SLC7A14: variants seen among roughly 807,000 people sequenced by gnomAD.
The protein encoded by SLC7A14 is gamma-aminobutyric acid transporter SLC7A14.
In SLC7A14, 37 loss-of-function variants were observed where a neutral mutation model predicts 60.2. The ratio of observed to expected loss-of-function variants is 0.61; its 90% CI spans 0.47 to 0.81. SLC7A14 has a LOEUF of 0.81. Among genes scored for constraint, SLC7A14 ranks in the 30% least tolerant of loss-of-function variants. The pLI, the probability that SLC7A14 is intolerant of heterozygous loss-of-function variation, is 0.00. For synonymous variants in SLC7A14, 399 were observed against 395.8 expected, an observed-to-expected ratio of 1.01 and a Z score of -0.10; for missense variants, 886 against 982.7, an observed-to-expected ratio of 0.90 and a Z score of 1.32.
chr3:170,502,478 G>GAT (rs1228464078), intron 2 of SLC7A14, among the ~76,000 whole-genome samples: 1 of 152,160 alleles, frequency 6.6e-6, no homozygotes, highest in African/African-American at 2.4e-5. Context: ...TTTGTGCTAG[G>GAT]AATTCTGGGT....
chr3:170,477,611 G>A (rs1711666958), intron 7 of SLC7A14, among the ~76,000 whole-genome samples: 1 of 152,174 alleles, frequency 6.6e-6, no homozygotes, highest in Non-Finnish European at 1.5e-5. Flanking sequence ...TGTACTAGTA[G>A]TACTAATGTT....
At chr3:170,476,374 C>A (rs537269513) in intron 7 of SLC7A14, among the ~76,000 whole-genome samples, 6 of 152,186 alleles carry the variant, frequency 3.9e-5, no homozygotes, top group African/African-American at 7.2e-5. Context: ...ATGTGATTTG[C>A]GGGCTGTGCA....
At chr3:170,480,062 G>A (rs1711758130) in intron 7 of SLC7A14, among the ~76,000 whole-genome samples, 1 of 152,174 alleles carries the variant, frequency 6.6e-6, no homozygotes, top group Non-Finnish European at 1.5e-5. Flanking sequence ...ATTCAGTAAA[G>A]CGATGGATTA....
chr3:170,549,693 C>G (rs1162914059), intron 1 of SLC7A14, among the ~76,000 whole-genome samples: 1 of 152,176 alleles, frequency 6.6e-6, no homozygotes, highest in Non-Finnish European at 1.5e-5. Context: ...TTTGCTTGAA[C>G]AGTGACACGA....
chr3:170,495,523 G>C (rs1712358019), intron 4 of SLC7A14: 2 of 745,692 alleles, frequency 2.7e-6, no homozygotes, highest in Non-Finnish European at 4.6e-6. Context: ...TACACGAATG[G>C]GCCTGGTGCC....
chr3:170,533,630 G>A (rs561633021), intron 1 of SLC7A14, among the ~76,000 whole-genome samples: 1 of 150,716 alleles, frequency 6.6e-6, no homozygotes, highest in Non-Finnish European at 1.5e-5. Context: ...TAAGGGAGAT[G>A]TTTTTGATCC....
chr3:170,512,120 G>A (rs1278610037), intron 2 of SLC7A14, among the ~76,000 whole-genome samples: 1 of 152,232 alleles, frequency 6.6e-6, no homozygotes, highest in Non-Finnish European at 1.5e-5. Context: ...GCAGGTGAAA[G>A]TGGCACCAAC....
In SLC7A14 at chr3:170,498,876, C is replaced by T. The variant is rs910283268; in HGVS notation, c.550G>A (p.Glu184Lys). 5.0e-6 allele frequency: 8 copies of T among 1,613,974 alleles called. No homozygotes were observed. Among genetic ancestry groups the T allele is most frequent in the Non-Finnish European group, 6.8e-6 (8 of 1,179,994 alleles). Reference sequence around the variant, plus strand: ...GCCAGAAGGTCTGGGTATGATTCTTCACCTTTCCCTAGAGAGGAAAGACAT... The same window carrying T: ...GCCAGAAGGTCTGGGTATGATTCTTTACCTTTCCCTAGAGAGGAAAGACAT... ...VGTLNGLGKGEESYPDLLALL... is the reference protein window; with the variant it reads ...VGTLNGLGKGKESYPDLLALL... Residue 184 changes from glutamate to lysine, a missense_variant, in exon 4 of 8, where the codon GAA (glutamate) becomes AAA (lysine). Glu to Lys is a moderately conservative substitution (Grantham distance 56). Coordinates refer to ENST00000231706, the MANE Select transcript of SLC7A14 (RefSeq NM_020949.3).
intron 2 of SLC7A14, among the ~76,000 whole-genome samples, chr3:170,518,046 T>C (rs1190221987): frequency 1.3e-5 from 2 of 152,210 alleles, no homozygotes; most frequent in South Asian, 2.1e-4. Context: ...CCTACAGTCA[T>C]AGATTTGAGT....
intron 7 of SLC7A14, among the ~76,000 whole-genome samples, chr3:170,471,159 A>T (rs1048435813): frequency 6.6e-6 from 1 of 151,500 alleles, no homozygotes; most frequent in Non-Finnish European, 1.5e-5. Flanking sequence ...AGACAGGACA[A>T]CAGGACAGTG....
At chr3:170,551,487 CA>C (rs1172300700) in intron 1 of SLC7A14, among the ~76,000 whole-genome samples, 1 of 152,172 alleles carries the variant, frequency 6.6e-6, no homozygotes, top group African/African-American at 2.4e-5. Context: ...GACTGTGTTC[CA>C]AGACAGCAGC....
At chr3:170,500,510 T>C (rs888704256) in intron 3 of SLC7A14, among the ~76,000 whole-genome samples, 1 of 151,836 alleles carries the variant, frequency 6.6e-6, no homozygotes, top group Admixed American at 6.6e-5. Context: ...CTCATGGTAT[T>C]TGTTACACGA....
At position 170,461,001 on chromosome 3, in the gene SLC7A14, G is replaced by C. The variant is rs910253938; in HGVS notation, c.*6054C>G. 6.6e-6 allele frequency: 1 copy of C among 152,204 alleles called. No homozygotes were observed. The highest frequency in any genetic ancestry group is 2.1e-4 in the South Asian group (1 of 4,824). The allele number at this position is 152,204 out of a possible 1,614,324, so 9.4% of individuals were successfully genotyped here. On this transcript the variant is annotated 3_prime_UTR_variant, in exon 8 of 8. Coordinates refer to ENST00000231706, the MANE Select transcript of SLC7A14 (RefSeq NM_020949.3). ...GTGATCTCGACTCACTGCAACCTCT[G>C]CCTCCCGGGTTCAAGCGATTCTCCT...
Position 170,527,065 on chromosome 3 carries a change from C to T in SLC7A14, c.-129G>A. ...AGGAAAGGCCCAGAGGGACCCAGTG[C>T]AGCCTTCTCCTGGGCATGAATGTCT... On this transcript the variant is annotated 5_prime_UTR_variant, in exon 2 of 8. Transcript: ENST00000231706. 1.1e-6 allele frequency: 1 copy of T among 951,594 alleles called. No homozygotes were observed. Among genetic ancestry groups the T allele is most frequent in the Non-Finnish European group, 1.5e-6 (1 of 655,896 alleles). The allele number at this position is 951,594 out of a possible 1,614,324, so 58.9% of individuals were successfully genotyped here.
At chr3:170,578,800 C>G (rs990840553) in intron 1 of SLC7A14, among the ~76,000 whole-genome samples, 9 of 152,256 alleles carry the variant, frequency 5.9e-5, no homozygotes, top group African/African-American at 2.2e-4. Flanking sequence ...TTCATCGAAC[C>G]ATAGAATGTT....
At chr3:170,496,126 TC>T in intron 4 of SLC7A14, 2 of 1,004,724 alleles carry the variant, frequency 2.0e-6, no homozygotes, top group South Asian at 1.3e-5. Flanking sequence ...GAAGAGGAGA[TC>T]CAGGAGCTGC....
intron 2 of SLC7A14, among the ~76,000 whole-genome samples, chr3:170,520,939 C>T (rs571880748): frequency 6.6e-6 from 1 of 152,182 alleles, no homozygotes; most frequent in Non-Finnish European, 1.5e-5. Context: ...AACCATCCTG[C>T]CTCCACCCTT....
intron 4 of SLC7A14, chr3:170,495,821 G>T (rs1310406653): frequency 2.6e-6 from 3 of 1,134,428 alleles, no homozygotes; most frequent in Non-Finnish European, 4.0e-6. Flanking sequence ...GCCTCCTGCA[G>T]CAGCAGAAGA....
chr3:170,517,508 C>T (rs1348088376), intron 2 of SLC7A14, among the ~76,000 whole-genome samples: 1 of 152,230 alleles, frequency 6.6e-6, no homozygotes, highest in East Asian at 1.9e-4. Flanking sequence ...TTTCACCTCT[C>T]AAGGCTGTCT....
Sources: allele counts gnomAD v4.1 joint callset (sites outside exome capture counted in the v4.1 genomes callset), GRCh38; gene constraint gnomAD v4.1.1; transcripts MANE v1.5; gene names NCBI Gene and HGNC (gene_info 2026-07-23, HGNC 2026-07-21).